Variants in KHDRBS3 observed in about 807,000 individuals in gnomAD.
The protein encoded by KHDRBS3 is KH domain-containing, RNA-binding, signal transduction-associated protein 3.
KHDRBS3 carries 23 observed loss-of-function variants against 45.6 expected under a neutral mutation model. That is an observed-to-expected ratio of 0.50 (90% CI 0.36 to 0.72). The LOEUF is 0.72. Among genes scored for constraint, KHDRBS3 ranks in the 30% least tolerant of loss-of-function variants. The pLI is 0.00. For synonymous variants in KHDRBS3, 162 were observed against 156.5 expected (o/e 1.04, Z -0.26); for missense variants, 352 against 424.8 (o/e 0.83, Z 1.51).
At chr8:135,468,041 C>T (rs190404377) in intron 1 of KHDRBS3, among the ~76,000 whole-genome samples, 1 of 152,112 alleles carries the variant, frequency 6.6e-6, no homozygotes, top group African/African-American at 2.4e-5. Context: ...TTTTCAATCC[C>T]TCTCTCCCTC....
intron 1 of KHDRBS3, among the ~76,000 whole-genome samples, chr8:135,502,216 C>T (rs1263900080): frequency 1.3e-5 from 2 of 152,260 alleles, no homozygotes; most frequent in African/African-American, 2.4e-5. Flanking sequence ...ACTTCCCAGT[C>T]CTGTCATAAA....
chr8:135,626,414 C>T (rs1054955018), intron 7 of KHDRBS3, among the ~76,000 whole-genome samples: 3 of 152,224 alleles, frequency 2.0e-5, no homozygotes, highest in Non-Finnish European at 2.9e-5. Flanking sequence ...GCACAGACCT[C>T]TCACATGGAC....
chr8:135,575,252 T>C (rs964148826), intron 5 of KHDRBS3, among the ~76,000 whole-genome samples: 3 of 152,358 alleles, frequency 2.0e-5, no homozygotes, highest in East Asian at 1.9e-4. Context: ...TATGCACCTG[T>C]AGTGGCTTAA....
At chr8:135,526,630 G>A (rs959507709) in intron 2 of KHDRBS3, among the ~76,000 whole-genome samples, 5 of 152,172 alleles carry the variant, frequency 3.3e-5, no homozygotes, top group African/African-American at 1.2e-4. Context: ...GAATAGTGTA[G>A]TGTGGAATTA....
At chr8:135,621,981 A>G (rs1213289855) in intron 7 of KHDRBS3, among the ~76,000 whole-genome samples, 1 of 151,910 alleles carries the variant, frequency 6.6e-6, no homozygotes, top group Non-Finnish European at 1.5e-5. Flanking sequence ...TTGCTTGTGG[A>G]GCACCCGGAG....
chr8:135,636,446 C>T (rs1830817632), intron 7 of KHDRBS3, among the ~76,000 whole-genome samples: 1 of 152,184 alleles, frequency 6.6e-6, no homozygotes, highest in South Asian at 2.1e-4. Flanking sequence ...TTTTACCCAC[C>T]ACATAAAAGG....
At chr8:135,510,913 C>CA (rs1824249608) in intron 1 of KHDRBS3, among the ~76,000 whole-genome samples, 1 of 152,208 alleles carries the variant, frequency 6.6e-6, no homozygotes, top group Non-Finnish European at 1.5e-5. Context: ...CTCTTCCCCC[C>CA]ACCTTTTTTA....
chr8:135,471,752 C>T (rs923151425), intron 1 of KHDRBS3, among the ~76,000 whole-genome samples: 2 of 152,160 alleles, frequency 1.3e-5, no homozygotes, highest in Admixed American at 6.5e-5. Context: ...TCTCTGAGCT[C>T]GTAGGGCTCC....
chr8:135,526,312 A>T (rs1450390039), intron 2 of KHDRBS3, among the ~76,000 whole-genome samples: 2 of 151,864 alleles, frequency 1.3e-5, no homozygotes, highest in Non-Finnish European at 2.9e-5. Context: ...AAATTATAAT[A>T]TTTAAATTAT....
chr8:135,477,399 T>C (rs950586630), intron 1 of KHDRBS3, among the ~76,000 whole-genome samples: 1 of 152,324 alleles, frequency 6.6e-6, no homozygotes, highest in East Asian at 1.9e-4. Context: ...TCACTTGAAA[T>C]GATTTCATAA....
chr8:135,519,649 G>A (rs1275115840), intron 1 of KHDRBS3, among the ~76,000 whole-genome samples: 2 of 152,202 alleles, frequency 1.3e-5, no homozygotes, highest in Non-Finnish European at 2.9e-5. Flanking sequence ...TGAAGAACCT[G>A]CATCCTAACT....
intron 4 of KHDRBS3, among the ~76,000 whole-genome samples, chr8:135,551,974 A>G (rs1213074922): frequency 1.3e-5 from 2 of 152,056 alleles, no homozygotes; most frequent in African/African-American, 4.8e-5. Context: ...TGAATATGCT[A>G]CTCTGCTACC....
intron 5 of KHDRBS3, among the ~76,000 whole-genome samples, chr8:135,564,331 G>C (rs1313417787): frequency 6.6e-6 from 1 of 152,148 alleles, no homozygotes; most frequent in Admixed American, 6.5e-5. Flanking sequence ...GGTTTGAGAA[G>C]TTACGTAGCA....
intron 1 of KHDRBS3, among the ~76,000 whole-genome samples, chr8:135,517,995 T>C (rs1294829416): frequency 6.6e-6 from 1 of 152,216 alleles, no homozygotes; most frequent in East Asian, 1.9e-4. Context: ...GAAACTGTAA[T>C]ATGTGATAAA....
chr8:135,606,590 G>T (rs1382776017), intron 6 of KHDRBS3, among the ~76,000 whole-genome samples: 1 of 152,076 alleles, frequency 6.6e-6, no homozygotes, highest in Non-Finnish European at 1.5e-5. Context: ...GGTTCCTTCA[G>T]AGCTGGGGAG....
intron 1 of KHDRBS3, among the ~76,000 whole-genome samples, chr8:135,491,388 C>T (rs1346862978): frequency 2.0e-5 from 3 of 151,422 alleles, no homozygotes; most frequent in African/African-American, 7.3e-5. Context: ...TTAGGAACAA[C>T]CAAAACAGCC....
intron 1 of KHDRBS3, among the ~76,000 whole-genome samples, chr8:135,465,539 T>A (rs1306417669): frequency 2.6e-5 from 4 of 152,238 alleles, no homozygotes; most frequent in African/African-American, 9.6e-5. Flanking sequence ...ATTAATATCA[T>A]GCACAAAATT....
chr8:135,506,972 C>T (rs1277461468), intron 1 of KHDRBS3, among the ~76,000 whole-genome samples: 1 of 152,002 alleles, frequency 6.6e-6, no homozygotes, highest in African/African-American at 2.4e-5. Context: ...CTAGGCAGTG[C>T]TCTTCAACTT....
chr8:135,505,164 G>A (rs146733956), intron 1 of KHDRBS3, among the ~76,000 whole-genome samples: 1 of 152,220 alleles, frequency 6.6e-6, no homozygotes, highest in African/African-American at 2.4e-5. Flanking sequence ...TGAAGTAGAG[G>A]GAACAAATTA....
Sources: gnomAD v4.1 joint callset for allele counts (sites outside exome capture counted in the v4.1 genomes callset) on GRCh38, gnomAD v4.1.1 for gene constraint, MANE v1.5 for transcripts, NCBI Gene and HGNC (gene_info 2026-07-23, HGNC 2026-07-21) for gene names.